The following ARHGAP15 variants were observed in gnomAD, a reference collection of about 807,000 sequenced individuals.
ARHGAP15 encodes the protein Rho GTPase activating protein 15, also known as rho GTPase-activating protein 15.
Under a neutral mutation model 63.7 loss-of-function variants are expected in ARHGAP15, and 51 were observed. That is an observed-to-expected ratio of 0.80 (90% CI 0.64 to 1.01). The LOEUF (loss-of-function observed/expected upper bound fraction) is 1.01, where lower values mean the gene tolerates loss of function less well. Ranked by LOEUF, ARHGAP15 falls within the 50% of genes least tolerant of loss-of-function variation. The pLI, the probability that ARHGAP15 is intolerant of heterozygous loss-of-function variation, is 0.00. For missense variants in ARHGAP15, 560 were observed against 564.6 expected (o/e 0.99, Z 0.08); for synonymous variants, 191 against 193.8 (o/e 0.99, Z 0.12).
chr2:143,282,165 A>G (rs1375676321), intron 6 of ARHGAP15, among the ~76,000 whole-genome samples: 2 of 152,032 alleles, frequency 1.3e-5, no homozygotes, highest in Non-Finnish European at 2.9e-5. Context: ...TCCCCCTAAA[A>G]GTCTATAGAC....
intron 8 of ARHGAP15, among the ~76,000 whole-genome samples, chr2:143,478,605 GATA>G (rs1389459670): frequency 6.6e-6 from 1 of 152,084 alleles, no homozygotes; most frequent in East Asian, 1.9e-4. Context: ...CTGTAAAATG[GATA>G]ATAATGGAAC....
intron 8 of ARHGAP15, among the ~76,000 whole-genome samples, chr2:143,470,275 A>G (rs1312427831): frequency 6.7e-6 from 1 of 149,618 alleles, no homozygotes; most frequent in Non-Finnish European, 1.5e-5. Context: ...AACTCTTTCT[A>G]GGTGTTCAAG....
intron 6 of ARHGAP15, among the ~76,000 whole-genome samples, chr2:143,428,633 G>C (rs369520121): frequency 6.6e-6 from 1 of 152,126 alleles, no homozygotes; most frequent in East Asian, 1.9e-4. Flanking sequence ...TCATTAAACT[G>C]TAAACATACA....
intron 6 of ARHGAP15, among the ~76,000 whole-genome samples, chr2:143,388,743 A>G: frequency 6.6e-6 from 1 of 152,218 alleles, no homozygotes; most frequent in East Asian, 1.9e-4. Context: ...TAAGTATTAA[A>G]TCTAACTTAT....
At chr2:143,297,972 G>A (rs1035475020) in intron 6 of ARHGAP15, among the ~76,000 whole-genome samples, 1 of 151,826 alleles carries the variant, frequency 6.6e-6, no homozygotes, top group Non-Finnish European at 1.5e-5. Context: ...CTTTAGCTCG[G>A]CCCATTCCTC....
intron 2 of ARHGAP15, among the ~76,000 whole-genome samples, chr2:143,165,952 A>G (rs76955437): frequency 0.045 from 5,954 of 132,190 alleles, 189 homozygotes; most frequent in African/African-American, 0.073. Flanking sequence ...AGAAGAAAGA[A>G]AGAAAGAGAG....
intron 8 of ARHGAP15, among the ~76,000 whole-genome samples, chr2:143,439,644 A>G (rs1047318189): frequency 2.0e-5 from 3 of 151,822 alleles, no homozygotes; most frequent in African/African-American, 7.3e-5. Context: ...GGTAGATACT[A>G]TTAGTTACCT....
chr2:143,363,351 C>T (rs1420958823), intron 6 of ARHGAP15, among the ~76,000 whole-genome samples: 1 of 152,116 alleles, frequency 6.6e-6, no homozygotes, highest in African/African-American at 2.4e-5. Flanking sequence ...ACCAGCCTTG[C>T]TAACATGGTG....
chr2:143,198,308 A>G (rs921011888), intron 2 of ARHGAP15, among the ~76,000 whole-genome samples: 3 of 152,016 alleles, frequency 2.0e-5, no homozygotes, highest in Non-Finnish European at 4.4e-5. Flanking sequence ...CATGGACTCA[A>G]TGGGCCCCTT....
intron 6 of ARHGAP15, among the ~76,000 whole-genome samples, chr2:143,307,484 T>G (rs2105175592): frequency 6.6e-6 from 1 of 152,280 alleles, no homozygotes; most frequent in Non-Finnish European, 1.5e-5. Flanking sequence ...TAAGGCTCAA[T>G]AAAGGTAGTA....
intron 12 of ARHGAP15, among the ~76,000 whole-genome samples, chr2:143,699,911 G>A (rs926565564): frequency 5.3e-5 from 8 of 152,120 alleles, no homozygotes; most frequent in African/African-American, 1.7e-4. Flanking sequence ...TTCAAAGAGA[G>A]TAAGAAACTT....
intron 8 of ARHGAP15, among the ~76,000 whole-genome samples, chr2:143,482,521 T>C (rs1002124066): frequency 2.0e-5 from 3 of 152,230 alleles, no homozygotes; most frequent in Admixed American, 2.0e-4. Flanking sequence ...TTAAAATCAG[T>C]AGTGAAATCA....
chr2:143,283,178 G>A (rs969149517), intron 6 of ARHGAP15, among the ~76,000 whole-genome samples: 6 of 152,086 alleles, frequency 3.9e-5, no homozygotes, highest in African/African-American at 1.4e-4. Flanking sequence ...CAGCAAACTT[G>A]TAAATTTTTG....
chr2:143,724,759 C>T (rs151220792), intron 13 of ARHGAP15, among the ~76,000 whole-genome samples: 85 of 152,128 alleles, frequency 5.6e-4, no homozygotes, highest in African/African-American at 1.9e-3. Flanking sequence ...ACACAACTTT[C>T]GGACAAGCAT....
intron 6 of ARHGAP15, among the ~76,000 whole-genome samples, chr2:143,281,765 C>T (rs566662721): frequency 6.6e-6 from 1 of 152,042 alleles, no homozygotes; most frequent in African/African-American, 2.4e-5. Context: ...TGATAGACTC[C>T]GAATATTCTA....
At chr2:143,249,695 G>A (rs1328881299) in intron 5 of ARHGAP15, among the ~76,000 whole-genome samples, 1 of 152,068 alleles carries the variant, frequency 6.6e-6, no homozygotes, top group Non-Finnish European at 1.5e-5. Flanking sequence ...GTATAAGTAT[G>A]ATTAACTTGA....
chr2:143,425,285 G>T (rs1689093384), intron 6 of ARHGAP15, among the ~76,000 whole-genome samples: 1 of 151,608 alleles, frequency 6.6e-6, no homozygotes, highest in Non-Finnish European at 1.5e-5. Flanking sequence ...AGTCACAGGT[G>T]GTTTATTTTA....
intron 2 of ARHGAP15, among the ~76,000 whole-genome samples, chr2:143,186,536 T>G (rs1691455635): frequency 6.6e-6 from 1 of 152,178 alleles, no homozygotes; most frequent in South Asian, 2.1e-4. Flanking sequence ...TGCCACTGAT[T>G]TCAAATCCCT....
At position 143,350,721 on chromosome 2, in the gene ARHGAP15, C is replaced by T. The variant is rs552931953; in HGVS notation, c.475-84880C>T. On this transcript the variant is annotated intron_variant, in intron 6 of 13. Transcript: ENST00000295095. ...AGGCGTGGTGGTGGGCATCTGTAGT[C>T]CCAACTACTCAGAAGGCTGAGGCAG... Among the ~76,000 whole-genome samples the T allele has an allele frequency of 2.0e-5, 3 of 148,452 alleles. No homozygotes were observed. In the East Asian group the frequency reaches 5.9e-4, roughly 29 times the overall value.
Sources: allele counts gnomAD v4.1 joint callset (sites outside exome capture counted in the v4.1 genomes callset), GRCh38; gene constraint gnomAD v4.1.1; transcripts MANE v1.5; gene names NCBI Gene and HGNC (gene_info 2026-07-23, HGNC 2026-07-21).